CUX1: variants seen among roughly 807,000 people sequenced by gnomAD.
CUX1 encodes the protein protein CASP.
CUX1 carries 31 observed loss-of-function variants against 158.8 expected under a neutral mutation model. That is an observed-to-expected ratio of 0.20 (90% CI 0.15 to 0.26). The LOEUF is 0.26. CUX1 is among the 10% of genes least tolerant of loss of function. The probability of loss-of-function intolerance (pLI) is 1.00; values close to 1 mark genes in which losing one functional copy is unlikely to be tolerated. For synonymous variants in CUX1, 879 were observed against 862.1 expected (o/e 1.02, Z -0.34); for missense variants, 1,589 against 2,014.6 (o/e 0.79, Z 4.04).
At chr7:102,219,064 A>ACACACACACACACACACACACG (rs1797541052) in intron 20 of CUX1, among the ~76,000 whole-genome samples, 1 of 149,430 alleles carries the variant, frequency 6.7e-6, no homozygotes, top group Non-Finnish European at 1.5e-5. Context: ...AAACACACAC[A>ACACACACACACACACACACACG]CACACACACA....
chr7:102,199,998 TGAC>T (rs1795242741), intron 16 of CUX1, 70 bp from the exon 17 acceptor site: 8 of 1,303,038 alleles, frequency 6.1e-6, no homozygotes, highest in South Asian at 5.5e-5. Flanking sequence ...TATATCAGAA[TGAC>T]GTCTTCGCGC....
At chr7:101,914,299 G>GT (rs1010327321) in intron 1 of CUX1, among the ~76,000 whole-genome samples, 167 of 149,396 alleles carry the variant, frequency 1.1e-3, no homozygotes, top group Middle Eastern at 7.0e-3. Flanking sequence ...TGTCGTTGTT[G>GT]TTTTTTTTTC....
At chr7:102,213,522 TC>T (rs373732478) in intron 20 of CUX1, among the ~76,000 whole-genome samples, 8 of 152,202 alleles carry the variant, frequency 5.3e-5, no homozygotes, top group African/African-American at 9.7e-5. Flanking sequence ...ATCCTGGTGC[TC>T]CCTGGTTTCC....
intron 8 of CUX1, among the ~76,000 whole-genome samples, chr7:102,127,845 TTTG>T (rs577352134): frequency 1.5e-3 from 222 of 151,994 alleles, no homozygotes; most frequent in African/African-American, 5.2e-3. Context: ...TGTTTGTTTG[TTTG>T]TTTGTTTTGT....
intron 1 of CUX1, among the ~76,000 whole-genome samples, chr7:101,825,796 TGTGCGCGCGC>T (rs1301458946): frequency 3.6e-5 from 3 of 82,780 alleles, no homozygotes; most frequent in African/African-American, 1.7e-4. Flanking sequence ...TGTGTGTGTG[TGTGCGCGCGC>T]GCGCGCAGTT....
At chr7:101,950,956 G>C (rs1808987944) in intron 2 of CUX1, among the ~76,000 whole-genome samples, 1 of 152,102 alleles carries the variant, frequency 6.6e-6, no homozygotes, top group Admixed American at 6.6e-5. Context: ...CACTTCCTTT[G>C]GTTTCATTCC....
intron 1 of CUX1, among the ~76,000 whole-genome samples, chr7:101,823,060 T>C (rs1254862838): frequency 1.3e-5 from 2 of 152,104 alleles, no homozygotes; most frequent in African/African-American, 2.4e-5. Context: ...GATTGTCAAT[T>C]TCTTTATTTT....
At chr7:102,104,579 A>G in intron 6 of CUX1, 120 bp downstream of exon 6, 4 of 1,312,892 alleles carry the variant, frequency 3.0e-6, no homozygotes, top group Admixed American at 4.4e-5. Flanking sequence ...CCAAATCTAT[A>G]AGGGGTAAAA....
At chr7:102,050,567 C>T (rs1585422605) in intron 3 of CUX1, among the ~76,000 whole-genome samples, 1 of 152,226 alleles carries the variant, frequency 6.6e-6, no homozygotes, top group East Asian at 1.9e-4. Flanking sequence ...ATCTTCATTT[C>T]CCATGTAAAC....
chr7:102,076,399 A>T (rs377749880), intron 4 of CUX1, among the ~76,000 whole-genome samples: 5,514 of 114,474 alleles, frequency 0.048, 317 homozygotes, highest in African/African-American at 0.13. Context: ...AAATAAAATT[A>T]AAAAAAAAAG....
At chr7:101,850,167 G>T (rs1293626216) in intron 1 of CUX1, among the ~76,000 whole-genome samples, 2 of 151,824 alleles carry the variant, frequency 1.3e-5, no homozygotes, top group East Asian at 1.9e-4. Context: ...CAGGTGATCC[G>T]CCTGCCTTGG....
At chr7:102,212,188 G>T (rs974941146) in intron 20 of CUX1, among the ~76,000 whole-genome samples, 4 of 152,134 alleles carry the variant, frequency 2.6e-5, no homozygotes, top group Non-Finnish European at 5.9e-5. Flanking sequence ...TTTGTTCCTA[G>T]GACAGCCCTG....
chr7:101,886,292 C>T (rs754934898), intron 1 of CUX1, among the ~76,000 whole-genome samples: 5 of 152,122 alleles, frequency 3.3e-5, no homozygotes, highest in Non-Finnish European at 7.4e-5. Context: ...CTCCTGGGCT[C>T]AAGTGATCTT....
At chr7:102,108,179 G>A (rs1830561407) in intron 6 of CUX1, among the ~76,000 whole-genome samples, 1 of 152,194 alleles carries the variant, frequency 6.6e-6, no homozygotes, top group East Asian at 1.9e-4. Flanking sequence ...TAATAGTTAT[G>A]GAGAATTCAT....
chr7:101,856,784 T>C (rs1796883406), intron 1 of CUX1, among the ~76,000 whole-genome samples: 1 of 152,214 alleles, frequency 6.6e-6, no homozygotes, highest in Non-Finnish European at 1.5e-5. Context: ...GGCTCCCTTG[T>C]CATCGTTAAA....
At chr7:101,971,085 C>T (rs1811888578) in intron 2 of CUX1, among the ~76,000 whole-genome samples, 1 of 152,256 alleles carries the variant, frequency 6.6e-6, no homozygotes. Flanking sequence ...GAAAAAGATA[C>T]TTTCCCCATT....
chr7:101,842,877 T>A (rs1294665999), intron 1 of CUX1, among the ~76,000 whole-genome samples: 4 of 146,760 alleles, frequency 2.7e-5, no homozygotes, highest in African/African-American at 7.5e-5. Flanking sequence ...ATTCTATTTT[T>A]TTTTTTTTTT....
chr7:102,142,543 T>C (rs1554500665), intron 8 of CUX1, among the ~76,000 whole-genome samples: 1 of 152,104 alleles, frequency 6.6e-6, no homozygotes, highest in Non-Finnish European at 1.5e-5. Context: ...GAGGATCACT[T>C]GAGCCCAGGA....
chr7:102,010,623 G>A (rs761586638), intron 2 of CUX1, among the ~76,000 whole-genome samples: 11 of 152,136 alleles, frequency 7.2e-5, no homozygotes, highest in South Asian at 2.1e-4. Context: ...GTGTGTGTGC[G>A]TATTTAAGTA....
Sources: allele counts gnomAD v4.1 joint callset (sites outside exome capture counted in the v4.1 genomes callset), GRCh38; gene constraint gnomAD v4.1.1; transcripts MANE v1.5; gene names NCBI Gene and HGNC (gene_info 2026-07-23, HGNC 2026-07-21).